SPOCK3: variants seen among roughly 807,000 people sequenced by gnomAD.
The protein encoded by SPOCK3 is testican-3.
SPOCK3 carries 30 observed loss-of-function variants against 56.6 expected under a neutral mutation model. The ratio of observed to expected loss-of-function variants is 0.53; its 90% CI spans 0.40 to 0.72. The LOEUF is 0.72. SPOCK3 is among the 30% of genes least tolerant of loss of function. The pLI is 0.00. For missense variants in SPOCK3, 527 were observed against 530.0 expected (o/e 0.99, Z 0.06); for synonymous variants, 196 against 183.3 (o/e 1.07, Z -0.56).
chr4:166,898,679 G>A (rs1173126215), intron 5 of SPOCK3, among the ~76,000 whole-genome samples: 1 of 152,086 alleles, frequency 6.6e-6, no homozygotes, highest in East Asian at 1.9e-4. Flanking sequence ...CTGGTAAATG[G>A]TAGAAGAGAT....
intron 6 of SPOCK3, among the ~76,000 whole-genome samples, chr4:166,794,643 C>CTTTTT (rs1170214198): frequency 2.5e-4 from 32 of 127,346 alleles, no homozygotes; most frequent in Admixed American, 3.2e-4. Context: ...TTCTTTCTTT[C>CTTTTT]TTTTTTTTTT....
chr4:166,753,941 T>C (rs1337726046), intron 8 of SPOCK3: 1 of 237,024 alleles, frequency 4.2e-6, no homozygotes, highest in African/African-American at 2.3e-5. Context: ...CATTCCAACT[T>C]TTCACTTACC....
intron 7 of SPOCK3, among the ~76,000 whole-genome samples, chr4:166,790,593 A>T (rs536071617): frequency 3.9e-5 from 6 of 152,312 alleles, no homozygotes; most frequent in African/African-American, 1.4e-4. Context: ...TAATTAATCT[A>T]CTACCTTTAG....
intron 6 of SPOCK3, among the ~76,000 whole-genome samples, chr4:166,840,877 C>T (rs1189153135): frequency 6.8e-6 from 1 of 146,334 alleles, no homozygotes; most frequent in African/African-American, 2.6e-5. Context: ...CTCCCGGGTT[C>T]ATGCCATTCT....
chr4:166,890,718 A>C (rs1210322180), intron 5 of SPOCK3, among the ~76,000 whole-genome samples: 2 of 152,100 alleles, frequency 1.3e-5, no homozygotes, highest in East Asian at 3.9e-4. Flanking sequence ...GTTGCTAAGA[A>C]TTTATATTCT....
At position 167,056,138 on chromosome 4, in the gene SPOCK3, C is replaced by A. The variant is rs555410573; in HGVS notation, c.235+6354G>T. Among the ~76,000 whole-genome samples, 6 of 152,280 alleles carry A rather than the reference C, an allele frequency of 3.9e-5. No individual in the cohort carries two copies. In the East Asian group the frequency reaches 1.2e-3, roughly 29 times the overall value. On this transcript the variant is annotated intron_variant, in intron 3 of 10. Coordinates refer to ENST00000357545, the MANE Select transcript of SPOCK3 (RefSeq NM_001040159.2). ...AGGAACGATCAGACAGCAGCATTCG[C>A]GGTTCACAAAAATCCGCTGTTCTGC...
intron 7 of SPOCK3, among the ~76,000 whole-genome samples, chr4:166,772,671 G>A (rs1739084592): frequency 6.6e-6 from 1 of 152,138 alleles, no homozygotes; most frequent in Admixed American, 6.6e-5. Flanking sequence ...AATATTACTT[G>A]AAATGAACTT....
intron 5 of SPOCK3, among the ~76,000 whole-genome samples, chr4:166,895,505 A>G (rs1290493353): frequency 2.3e-4 from 35 of 152,138 alleles, no homozygotes; most frequent in Admixed American, 2.2e-3. Context: ...CTAACAAAGA[A>G]AAGACTTTGA....
intron 2 of SPOCK3, among the ~76,000 whole-genome samples, chr4:167,130,202 G>A (rs1342711379): frequency 6.6e-6 from 1 of 152,016 alleles, no homozygotes; most frequent in Non-Finnish European, 1.5e-5. Flanking sequence ...CCAGCCTCAA[G>A]CAATCCTCCT....
intron 6 of SPOCK3, among the ~76,000 whole-genome samples, chr4:166,829,928 C>T (rs926886628): frequency 6.6e-6 from 1 of 152,102 alleles, no homozygotes; most frequent in African/African-American, 2.4e-5. Flanking sequence ...GTGGAATTGA[C>T]TGTATCATCT....
intron 2 of SPOCK3, among the ~76,000 whole-genome samples, chr4:167,173,658 C>T (rs768112960): frequency 6.6e-6 from 1 of 152,166 alleles, no homozygotes; most frequent in East Asian, 1.9e-4. Context: ...ATCGAACAGG[C>T]GTATTTGAGT....
At chr4:167,162,444 C>T (rs1370336626) in intron 2 of SPOCK3, among the ~76,000 whole-genome samples, 1 of 152,106 alleles carries the variant, frequency 6.6e-6, no homozygotes, top group Non-Finnish European at 1.5e-5. Context: ...ATACAGTTGA[C>T]ACTAGCCCCA....
chr4:167,201,960 GTTC>G (rs1332060240), intron 2 of SPOCK3, among the ~76,000 whole-genome samples: 4 of 151,940 alleles, frequency 2.6e-5, no homozygotes, highest in African/African-American at 7.2e-5. Flanking sequence ...TATAATTACT[GTTC>G]TTCACCTTTG....
intron 6 of SPOCK3, among the ~76,000 whole-genome samples, chr4:166,832,777 T>A (rs1182811205): frequency 6.6e-6 from 1 of 152,154 alleles, no homozygotes; most frequent in Non-Finnish European, 1.5e-5. Flanking sequence ...TAGGGGCTAT[T>A]ATCCTAAGCA....
At position 166,832,331 on chromosome 4, in the gene SPOCK3, G is replaced by A. The variant is rs78372882; in HGVS notation, c.590-40042C>T. Among the ~76,000 whole-genome samples, 835 of 151,856 alleles carry A rather than the reference G, an allele frequency of 5.5e-3. 11 individuals carry two copies. Among genetic ancestry groups the A allele is most frequent in the African/African-American group, 0.019 (800 of 41,404 alleles). On this transcript the variant is annotated intron_variant, in intron 6 of 10. Coordinates refer to ENST00000357545, the MANE Select transcript of SPOCK3 (RefSeq NM_001040159.2). ...GCCAGCAATGAAATGCCCAAGATCA[G>A]AGAAATGCAAAGCAAAACAATAATG...
intron 6 of SPOCK3, among the ~76,000 whole-genome samples, chr4:166,831,023 TTTTAGA>T (rs1560904529): frequency 3.3e-5 from 5 of 152,206 alleles, no homozygotes; most frequent in African/African-American, 1.2e-4. Flanking sequence ...TTCATATATA[TTTTAGA>T]ATCAATTTTT....
At chr4:166,959,688 A>G (rs1743921319) in intron 4 of SPOCK3, among the ~76,000 whole-genome samples, 1 of 152,134 alleles carries the variant, frequency 6.6e-6, no homozygotes, top group South Asian at 2.1e-4. Flanking sequence ...AAAAAATGTG[A>G]AATACTATCT....
intron 2 of SPOCK3, among the ~76,000 whole-genome samples, chr4:167,100,064 G>A (rs1463184414): frequency 2.0e-5 from 3 of 151,974 alleles, no homozygotes; most frequent in African/African-American, 7.3e-5. Flanking sequence ...AATTAAGCTT[G>A]GATCACTAAG....
At chr4:166,787,513 A>G (rs1007910558) in intron 7 of SPOCK3, among the ~76,000 whole-genome samples, 2 of 152,188 alleles carry the variant, frequency 1.3e-5, no homozygotes, top group Non-Finnish European at 2.9e-5. Context: ...TTCACTAAGC[A>G]TCAATAACAA....
Sources: allele counts gnomAD v4.1 joint callset (sites outside exome capture counted in the v4.1 genomes callset), GRCh38; gene constraint gnomAD v4.1.1; transcripts MANE v1.5; gene names NCBI Gene and HGNC (gene_info 2026-07-23, HGNC 2026-07-21).